POU2F1: variants seen among roughly 807,000 people sequenced by gnomAD.
POU2F1 encodes the protein POU class 2 homeobox 1.
In POU2F1, 16 loss-of-function variants were observed where a neutral mutation model predicts 84.9. The ratio of observed to expected loss-of-function variants is 0.19; its 90% CI spans 0.13 to 0.29. The LOEUF (loss-of-function observed/expected upper bound fraction) is 0.29. Among genes scored for constraint, POU2F1 ranks in the 10% least tolerant of loss-of-function variants. The pLI is 1.00. For synonymous variants in POU2F1, 368 were observed against 368.3 expected (o/e 1.00, Z 0.01); for missense variants, 738 against 942.6 (o/e 0.78, Z 2.84).
chr1:167,389,880 G>C (rs1372217184), intron 9 of POU2F1, 119 bp downstream of exon 9: 5 of 1,190,102 alleles, frequency 4.2e-6, no homozygotes, highest in Non-Finnish European at 5.9e-6. Flanking sequence ...TTTGGGACGG[G>C]GGACGAAAAA....
chr1:167,413,491 C>CAAGT lies in POU2F1; in HGVS notation c.1990+381_1990+384dup, dbSNP rs891500991. 6.9e-4 allele frequency among the ~76,000 whole-genome samples: 105 copies of CAAGT among 152,164 alleles called. 1 individual carries two copies. The highest frequency in any genetic ancestry group is 2.5e-3 in the African/African-American group (102 of 41,502). ...AAACCCGTCTCTAGGCAAACTTGAC[C>CAAGT]AAGTAAGACTCTCCAGTTCCCAGCT... is the stretch of plus-strand genomic sequence containing the variant. On this transcript the variant is annotated intron_variant, in intron 15 of 15. Transcript: ENST00000367866.
chr1:167,253,376 G>GCCC (rs57789204), intron 1 of POU2F1, among the ~76,000 whole-genome samples: 49 of 121,462 alleles, frequency 4.0e-4, no homozygotes, highest in African/African-American at 6.8e-4. Context: ...TTATTTTTCT[G>GCCC]CCCCCCCCCC....
intron 1 of POU2F1, among the ~76,000 whole-genome samples, chr1:167,264,915 T>G (rs1471096542): frequency 6.6e-6 from 1 of 152,162 alleles, no homozygotes. Flanking sequence ...GCCTTTACAC[T>G]TGCTGTCTCG....
At chr1:167,357,031 T>C (rs1282113036) in intron 2 of POU2F1, among the ~76,000 whole-genome samples, 1 of 152,184 alleles carries the variant, frequency 6.6e-6, no homozygotes, top group Non-Finnish European at 1.5e-5. Context: ...GGTCCCTGCC[T>C]TCAATTAACA....
chr1:167,396,004 T>C (rs1648783047), intron 9 of POU2F1, among the ~76,000 whole-genome samples: 1 of 152,338 alleles, frequency 6.6e-6, no homozygotes, highest in East Asian at 1.9e-4. Flanking sequence ...CTAGTTGAAA[T>C]TTTGGTATCT....
intron 2 of POU2F1, among the ~76,000 whole-genome samples, chr1:167,344,725 C>G (rs1355584919): frequency 6.6e-6 from 1 of 152,048 alleles, no homozygotes; most frequent in African/African-American, 2.4e-5. Context: ...TCAGTGTTAG[C>G]TATCTATTAG....
chr1:167,412,459 CTTTGA>C (rs61121372), intron 14 of POU2F1, among the ~76,000 whole-genome samples, 155 bp downstream of exon 14: 85,590 of 151,500 alleles, frequency 0.56, 27,211 homozygotes, highest in East Asian at 0.84. Flanking sequence ...CATACAAGGA[CTTTGA>C]TTATAGTTGA....
chr1:167,270,919 T>C (rs1018196063), intron 1 of POU2F1, among the ~76,000 whole-genome samples: 6 of 152,090 alleles, frequency 3.9e-5, no homozygotes, highest in Admixed American at 2.6e-4. Flanking sequence ...ATCTGAAAGC[T>C]CTACAGCAGA....
At chr1:167,352,362 G>A (rs1658637297) in intron 2 of POU2F1, among the ~76,000 whole-genome samples, 1 of 152,186 alleles carries the variant, frequency 6.6e-6, no homozygotes, top group African/African-American at 2.4e-5. Flanking sequence ...GAGATAGATA[G>A]CAAAGGCCAG....
At chr1:167,387,350 A>C (rs533022523) in intron 8 of POU2F1, 2 of 397,520 alleles carry the variant, frequency 5.0e-6, no homozygotes, top group Non-Finnish European at 5.1e-6. Context: ...GTAACTGTCA[A>C]CCAGTTTCGC....
At position 167,418,016 on chromosome 1, in the gene POU2F1, A is replaced by T. The variant is rs1358329978; in HGVS notation, c.*2206A>T. On this transcript the variant is annotated 3_prime_UTR_variant, in exon 16 of 16. Transcript: ENST00000367866. ...TCAGTGAACTGCAAGCAGGGAAACTAACAAATGTCCATTCACCCTTTTTGT... is the reference window on the plus strand; with the variant it reads ...TCAGTGAACTGCAAGCAGGGAAACTTACAAATGTCCATTCACCCTTTTTGT... The T allele has an allele frequency of 6.6e-6, 1 of 152,246 alleles. No individual in the cohort carries two copies. The highest frequency in any genetic ancestry group is 1.9e-4 in the East Asian group (1 of 5,202). 9.4% of individuals were successfully genotyped at this position (152,246 alleles called of 1,614,324 possible). A position where few individuals can be genotyped will look rare whatever the true frequency, so the allele number is the denominator to read the frequency against.
intron 1 of POU2F1, among the ~76,000 whole-genome samples, chr1:167,249,570 G>T (rs1571163545): frequency 6.6e-6 from 1 of 152,328 alleles, no homozygotes; most frequent in East Asian, 1.9e-4. Flanking sequence ...GTCATTCATG[G>T]ACCCTGTGGT....
chr1:167,371,992 A>G lies in POU2F1; in HGVS notation c.358A>G (p.Ile120Val). 6.2e-7 allele frequency: 1 copy of G among 1,614,170 alleles called. No homozygotes were observed. Among genetic ancestry groups the G allele is most frequent in the Non-Finnish European group, 8.5e-7 (1 of 1,180,008 alleles). Residue 120 changes from isoleucine (I) to valine (V), a missense_variant, in exon 5 of 16, where the codon ATT becomes GTT. This residue lies in a region of POU2F1 where 161 missense variants were observed against 147.0 expected (regional missense o/e 1.10). Coordinates refer to ENST00000367866, the MANE Select transcript of POU2F1 (RefSeq NM_002697.4). ...CCAGCAGCCTTCAGTGCAGGCAGCC[A>G]TTCCCCAGACCCAGCTTATGCTAGC... ...PSQQPSVQAA[I>V]PQTQLMLAGG...
chr1:167,268,645 T>C (rs570512917), intron 1 of POU2F1, among the ~76,000 whole-genome samples: 2 of 152,342 alleles, frequency 1.3e-5, no homozygotes, highest in African/African-American at 4.8e-5. Flanking sequence ...CTCTTCCTCC[T>C]ATGCCACACA....
chr1:167,239,056 G>A (rs1261348858), intron 1 of POU2F1, among the ~76,000 whole-genome samples: 1 of 152,102 alleles, frequency 6.6e-6, no homozygotes, highest in Admixed American at 6.5e-5. Flanking sequence ...TGTGTATGGT[G>A]TAAGGTGTAA....
chr1:167,251,473 T>A (rs746414884), intron 1 of POU2F1, among the ~76,000 whole-genome samples: 19 of 152,196 alleles, frequency 1.2e-4, no homozygotes, highest in Non-Finnish European at 2.4e-4. Context: ...TAATTAGGCC[T>A]AGTATTTGTC....
chr1:167,362,431 A>G (rs576663062), intron 2 of POU2F1, among the ~76,000 whole-genome samples: 3 of 152,350 alleles, frequency 2.0e-5, no homozygotes, highest in African/African-American at 7.2e-5. Context: ...GACAGGAGGC[A>G]CAGCACACCA....
At chr1:167,232,988 G>A (rs1415765073) in intron 1 of POU2F1, among the ~76,000 whole-genome samples, 1 of 151,834 alleles carries the variant, frequency 6.6e-6, no homozygotes, top group Non-Finnish European at 1.5e-5. Flanking sequence ...CTTCATATTC[G>A]CTCACTCGTC....
intron 1 of POU2F1, among the ~76,000 whole-genome samples, chr1:167,225,487 TAATTGTC>T (rs1466105168): frequency 6.6e-6 from 1 of 152,270 alleles, no homozygotes; most frequent in Non-Finnish European, 1.5e-5. Flanking sequence ...TAGTTTGAAG[TAATTGTC>T]AATCTGCCAT....
Sources: allele counts gnomAD v4.1 joint callset (sites outside exome capture counted in the v4.1 genomes callset), GRCh38; gene constraint gnomAD v4.1.1; regional missense constraint gnomAD v4.1.1; transcripts MANE v1.5; gene names NCBI Gene and HGNC (gene_info 2026-07-23, HGNC 2026-07-21).